Variants in PXDNL observed in about 807,000 individuals in gnomAD.
PXDNL encodes probable oxidoreductase PXDNL.
PXDNL carries 145 observed loss-of-function variants against 150.8 expected under a neutral mutation model. The ratio of observed to expected loss-of-function variants is 0.96; its 90% CI spans 0.84 to 1.10. The LOEUF is 1.10. Ranked by LOEUF, PXDNL falls within the 50% of genes least tolerant of loss-of-function variation. The probability of loss-of-function intolerance (pLI) is 0.00; values close to 1 mark genes in which losing one functional copy is unlikely to be tolerated. For synonymous variants in PXDNL, 757 were observed against 725.7 expected (o/e 1.04, Z -0.69); for missense variants, 2,087 against 1,873.9 (o/e 1.11, Z -2.10).
At chr8:51,623,887 A>G (rs1411072965) in intron 2 of PXDNL, among the ~76,000 whole-genome samples, 1 of 152,100 alleles carries the variant, frequency 6.6e-6, no homozygotes, top group Non-Finnish European at 1.5e-5. Flanking sequence ...TCAGGCCAGG[A>G]GTTGGAGACC....
At chr8:51,567,140 T>G (rs2130579123) in intron 3 of PXDNL, among the ~76,000 whole-genome samples, 1 of 151,918 alleles carries the variant, frequency 6.6e-6, no homozygotes, top group South Asian at 2.1e-4. Context: ...TTTGAGAACA[T>G]ACTTTGTATG....
At chr8:51,394,092 C>T (rs950165117) in intron 17 of PXDNL, among the ~76,000 whole-genome samples, 2 of 152,218 alleles carry the variant, frequency 1.3e-5, no homozygotes, top group South Asian at 4.1e-4. Flanking sequence ...CATGAGATAA[C>T]AAAAGTGTTA....
At chr8:51,598,846 G>A (rs1015671545) in intron 2 of PXDNL, among the ~76,000 whole-genome samples, 7 of 152,040 alleles carry the variant, frequency 4.6e-5, no homozygotes, top group Non-Finnish European at 7.4e-5. Flanking sequence ...GGTAGCATTC[G>A]GCTGTGAATC....
intron 1 of PXDNL, among the ~76,000 whole-genome samples, chr8:51,800,091 C>T (rs1585759898): frequency 6.6e-6 from 1 of 152,050 alleles, no homozygotes; most frequent in East Asian, 1.9e-4. Context: ...CAACTAAAAT[C>T]GTTTCAGTCC....
chr8:51,319,685 T>C lies in PXDNL; in HGVS notation c.*206A>G. 2.8e-6 allele frequency: 1 copy of C among 356,244 alleles called. No individual in the cohort carries two copies. The highest frequency in any genetic ancestry group is 4.9e-6 in the Non-Finnish European group (1 of 204,634). The allele number at this position is 356,244 out of a possible 1,614,324, so 22.1% of individuals were successfully genotyped here. A position where few individuals can be genotyped will look rare whatever the true frequency, so the allele number is the denominator to read the frequency against. ...ATGATCAAACACTTCATATGCACTT[T>C]ATTGCTTTTAGTTTTGAATTATTTC... On this transcript the variant is annotated 3_prime_UTR_variant, in exon 23 of 23. Coordinates refer to ENST00000356297, the MANE Select transcript of PXDNL (RefSeq NM_144651.5).
In PXDNL at chr8:51,483,679, G is replaced by A. The variant is rs1295435207; in HGVS notation, c.488C>T (p.Ala163Val). Residue 163 changes from alanine to valine, a missense_variant, in exon 6 of 23, where the codon GCT becomes GTT. Transcript: ENST00000356297. Reference sequence around the variant, plus strand: ...TGAATCCAGATTAGAAAAGCTCCCAGCTGGAATTTTAGATAATTTGTTGTT... The same window carrying A: ...TGAATCCAGATTAGAAAAGCTCCCAACTGGAATTTTAGATAATTTGTTGTT... ...LHNNKLSKIP[A>V]GSFSNLDSLK... 2 of 1,525,868 alleles carry A rather than the reference G, an allele frequency of 1.3e-6. No individual in the cohort carries two copies. The highest frequency in any genetic ancestry group is 1.8e-6 in the Non-Finnish European group (2 of 1,125,806). 94.5% of individuals were successfully genotyped at this position (1,525,868 alleles called of 1,614,324 possible). A position where few individuals can be genotyped will look rare whatever the true frequency, so the allele number is the denominator to read the frequency against.
intron 3 of PXDNL, among the ~76,000 whole-genome samples, chr8:51,583,725 A>G (rs1402171247): frequency 6.6e-6 from 1 of 152,196 alleles, no homozygotes; most frequent in East Asian, 1.9e-4. Context: ...TGTTGGATGG[A>G]TGAATAGATA....
chr8:51,324,297 G>T (rs1429730363), intron 21 of PXDNL, among the ~76,000 whole-genome samples: 1 of 152,188 alleles, frequency 6.6e-6, no homozygotes, highest in African/African-American at 2.4e-5. Flanking sequence ...GCACTGGCAA[G>T]AACTTCCAGC....
chr8:51,401,383 G>A (rs967586531), intron 17 of PXDNL, among the ~76,000 whole-genome samples: 1 of 152,168 alleles, frequency 6.6e-6, no homozygotes, highest in South Asian at 2.1e-4. Flanking sequence ...GGAGATCTGA[G>A]GGAGAAGGGA....
At chr8:51,409,657 G>A in intron 16 of PXDNL, 96 bp from the exon 17 acceptor site, 3 of 877,422 alleles carry the variant, frequency 3.4e-6, no homozygotes, top group Non-Finnish European at 3.1e-6. Context: ...CTCCCACCCC[G>A]CCCGCCCTGA....
chr8:51,777,091 A>G lies in PXDNL; in HGVS notation c.164+32090T>C, dbSNP rs540730971. Among the ~76,000 whole-genome samples the G allele has an allele frequency of 5.3e-5, 8 of 152,310 alleles. No homozygotes were observed. In the South Asian group the frequency reaches 1.7e-3, roughly 32 times the overall value. ...AAAATGCTTTAGCTACTCATTTCCT[A>G]TATGATGTCTTACAGCCACATGCCC... On this transcript the variant is annotated intron_variant, in intron 1 of 22. Coordinates refer to ENST00000356297, the MANE Select transcript of PXDNL (RefSeq NM_144651.5).
chr8:51,575,770 T>G (rs1427287753), intron 3 of PXDNL, among the ~76,000 whole-genome samples: 1 of 151,928 alleles, frequency 6.6e-6, no homozygotes, highest in East Asian at 1.9e-4. Flanking sequence ...AGCTGTATGC[T>G]GTCTATAAGA....
Position 51,640,651 on chromosome 8 carries a change from C to T in PXDNL, c.236+14038G>A, listed in dbSNP as rs571166319. Among the ~76,000 whole-genome samples the T allele has an allele frequency of 7.9e-4, 120 of 152,136 alleles. 1 individual carries two copies. The South Asian group carries it at 0.023, about 29-fold the overall frequency. On this transcript the variant is annotated intron_variant, in intron 2 of 22. Transcript: ENST00000356297. ...ACCTAGGAATCCACCTTACAAGGGACGTGAATGACCTCTTCAAGGAGAACT... is the reference window on the plus strand; with the variant it reads ...ACCTAGGAATCCACCTTACAAGGGATGTGAATGACCTCTTCAAGGAGAACT...
At chr8:51,347,097 CA>C in intron 19 of PXDNL, among the ~76,000 whole-genome samples, 1 of 151,984 alleles carries the variant, frequency 6.6e-6, no homozygotes, top group Non-Finnish European at 1.5e-5. Flanking sequence ...AAAAATAAAA[CA>C]GGATAACAAC....
rs765536774 is a variant in PXDNL at position 51,453,677 on chromosome 8, G to GTCCAAGTGA, written c.1082_1090dup (p.Ile361_Trp363dup). On this transcript the variant is annotated inframe_insertion, in exon 10 of 23. Transcript: ENST00000356297. ...ATCCAGCTCCAATCCATTGTCCCTGGTCCAAGTGATAAGAGGGTGTGGGTG... is the reference window on the plus strand; with the variant it reads ...ATCCAGCTCCAATCCATTGTCCCTGGTCCAAGTGATCCAAGTGATAAGAGGGTGTGGGTG... 2 of 1,613,890 alleles carry GTCCAAGTGA rather than the reference G, an allele frequency of 1.2e-6. No homozygotes were observed. The highest frequency in any genetic ancestry group is 2.7e-5 in the African/African-American group (2 of 74,922).
chr8:51,479,525 C>T (rs1381593324), intron 6 of PXDNL, among the ~76,000 whole-genome samples: 2 of 152,168 alleles, frequency 1.3e-5, no homozygotes, highest in African/African-American at 4.8e-5. Context: ...CTGTTGCAGC[C>T]AGTTCTGACA....
chr8:51,361,428 A>G (rs908732211), intron 19 of PXDNL, among the ~76,000 whole-genome samples: 22 of 152,136 alleles, frequency 1.4e-4, no homozygotes, highest in African/African-American at 4.8e-4. Context: ...AAAATCATTG[A>G]CTAAGTTGAT....
At chr8:51,546,811 G>A (rs1812370137) in intron 4 of PXDNL, among the ~76,000 whole-genome samples, 1 of 152,160 alleles carries the variant, frequency 6.6e-6, no homozygotes, top group Non-Finnish European at 1.5e-5. Flanking sequence ...GATGGGCGGG[G>A]CACAGCAGGA....
At chr8:51,741,531 C>T (rs750386392) in intron 1 of PXDNL, among the ~76,000 whole-genome samples, 9 of 152,060 alleles carry the variant, frequency 5.9e-5, no homozygotes, top group Non-Finnish European at 1.3e-4. Context: ...AAAGACAACT[C>T]GCAAAATTTG....
Sources: allele counts gnomAD v4.1 joint callset (sites outside exome capture counted in the v4.1 genomes callset), GRCh38; gene constraint gnomAD v4.1.1; transcripts MANE v1.5; gene names NCBI Gene and HGNC (gene_info 2026-07-23, HGNC 2026-07-21).